GALNT13: variants seen among roughly 807,000 people sequenced by gnomAD.
GALNT13 encodes UDP-GalNAc:polypeptide N-acetylgalactosaminyltransferase 13.
In GALNT13, 28 loss-of-function variants were observed where a neutral mutation model predicts 64.2. The observed-to-expected ratio is 0.44, with a 90% confidence interval of 0.32 to 0.60. The LOEUF (loss-of-function observed/expected upper bound fraction) is 0.60, where lower values mean the gene tolerates loss of function less well. Ranked by LOEUF, GALNT13 falls within the 20% of genes least tolerant of loss-of-function variation. The probability of loss-of-function intolerance (pLI) is 0.05; values close to 1 mark genes in which losing one functional copy is unlikely to be tolerated. For missense variants in GALNT13, 577 were observed against 669.8 expected (o/e 0.86, Z 1.53); for synonymous variants, 214 against 224.6 (o/e 0.95, Z 0.42).
At chr2:153,202,821 T>C in the GALNT13 span, among the ~76,000 whole-genome samples, 384 of 152,374 alleles carry the variant, frequency 2.5e-3, 2 homozygotes, top group African/African-American at 8.7e-3. Context: ...TTGAATTTTC[T>C]ACCAGTTAAT....
intron 3 of GALNT13, among the ~76,000 whole-genome samples, chr2:154,037,218 G>T (rs1698710634): frequency 6.6e-6 from 1 of 152,050 alleles, no homozygotes; most frequent in African/African-American, 2.4e-5. Context: ...TTAAGAGTCA[G>T]AAAACATGAG....
At chr2:154,427,753 A>T (rs1574286917) in intron 11 of GALNT13, among the ~76,000 whole-genome samples, 1 of 152,018 alleles carries the variant, frequency 6.6e-6, no homozygotes, top group Non-Finnish European at 1.5e-5. Context: ...GATGCTACTT[A>T]CTCCTCCTGA....
chr2:154,083,944 C>A (rs536779702), intron 3 of GALNT13, among the ~76,000 whole-genome samples: 1 of 151,702 alleles, frequency 6.6e-6, no homozygotes, highest in Non-Finnish European at 1.5e-5. Context: ...ATGATTCAAA[C>A]GTGATGTTTT....
At chr2:153,194,937 G>A in the GALNT13 span, among the ~76,000 whole-genome samples, 1 of 152,214 alleles carries the variant, frequency 6.6e-6, no homozygotes, top group Non-Finnish European at 1.5e-5. Flanking sequence ...AGACTGCCGA[G>A]GCTAGTTCTT....
At chr2:153,808,487 C>T in the GALNT13 span, among the ~76,000 whole-genome samples, 2 of 152,224 alleles carry the variant, frequency 1.3e-5, no homozygotes, top group Admixed American at 6.5e-5. Context: ...CATCTAATCT[C>T]CAGGGTTCTC....
chr2:154,240,113 C>T (rs1055864466), intron 4 of GALNT13, among the ~76,000 whole-genome samples: 8 of 152,106 alleles, frequency 5.3e-5, no homozygotes, highest in African/African-American at 1.9e-4. Flanking sequence ...AACCTTTTGA[C>T]ATTTTTTAAT....
At chr2:154,246,408 T>C (rs1485470489) in intron 7 of GALNT13, among the ~76,000 whole-genome samples, 1 of 152,100 alleles carries the variant, frequency 6.6e-6, no homozygotes, top group Non-Finnish European at 1.5e-5. Context: ...GTTATCTTCC[T>C]TATAGATTCT....
intron 2 of GALNT13, among the ~76,000 whole-genome samples, chr2:153,941,814 T>TA (rs1691359672): frequency 6.6e-6 from 1 of 152,110 alleles, no homozygotes; most frequent in South Asian, 2.1e-4. Flanking sequence ...AATTAAAAAA[T>TA]ACAAGCAGAG....
the GALNT13 span, among the ~76,000 whole-genome samples, chr2:153,403,520 C>T: frequency 6.6e-6 from 1 of 152,204 alleles, no homozygotes; most frequent in African/African-American, 2.4e-5. Flanking sequence ...GGCGCCCCTC[C>T]CCCAGCCTCC....
chr2:153,216,996 G>A, the GALNT13 span, among the ~76,000 whole-genome samples: 1 of 151,900 alleles, frequency 6.6e-6, no homozygotes, highest in South Asian at 2.1e-4. Flanking sequence ...AGTAGAGGTT[G>A]CATATTTTTT....
chr2:153,738,611 G>C, the GALNT13 span, among the ~76,000 whole-genome samples: 1 of 151,698 alleles, frequency 6.6e-6, no homozygotes, highest in Non-Finnish European at 1.5e-5. Context: ...ATTGTAGTAT[G>C]TATATGTTAT....
chr2:154,266,753 C>A (rs955973525), intron 8 of GALNT13, among the ~76,000 whole-genome samples: 1 of 151,296 alleles, frequency 6.6e-6, no homozygotes, highest in African/African-American at 2.4e-5. Flanking sequence ...AATATAGATT[C>A]AATGCAATAG....
chr2:153,614,637 A>G, the GALNT13 span, among the ~76,000 whole-genome samples: 1 of 152,128 alleles, frequency 6.6e-6, no homozygotes, highest in Non-Finnish European at 1.5e-5. Context: ...TAGTTTTTGT[A>G]TTAATGATAT....
chr2:154,224,925 G>C (rs930920724), intron 4 of GALNT13, among the ~76,000 whole-genome samples: 3 of 152,024 alleles, frequency 2.0e-5, no homozygotes, highest in Non-Finnish European at 4.4e-5. Context: ...TAAATGAAAA[G>C]ACAAACGTCA....
intron 3 of GALNT13, among the ~76,000 whole-genome samples, chr2:154,027,368 T>A (rs547893635): frequency 2.6e-5 from 4 of 152,296 alleles, no homozygotes; most frequent in African/African-American, 9.6e-5. Context: ...TGCTTTTCCA[T>A]ATTCAGTAGA....
At chr2:154,374,772 T>C (rs1391526767) in intron 9 of GALNT13, among the ~76,000 whole-genome samples, 3 of 152,206 alleles carry the variant, frequency 2.0e-5, no homozygotes, top group Middle Eastern at 3.2e-3. Context: ...ACCCAGCTTA[T>C]ACTGTACTTT....
chr2:154,247,819 A>G (rs1470489868), intron 7 of GALNT13, among the ~76,000 whole-genome samples: 1 of 152,070 alleles, frequency 6.6e-6, no homozygotes, highest in Non-Finnish European at 1.5e-5. Context: ...AGCTGAAGTG[A>G]GAGAAACAGA....
At chr2:153,348,286 C>T in the GALNT13 span, among the ~76,000 whole-genome samples, 1 of 152,138 alleles carries the variant, frequency 6.6e-6, no homozygotes, top group Non-Finnish European at 1.5e-5. Context: ...AAGAACAGAC[C>T]TTTCAGCAGC....
the GALNT13 span, among the ~76,000 whole-genome samples, chr2:153,563,748 G>A: frequency 2.6e-5 from 4 of 151,248 alleles, no homozygotes; most frequent in African/African-American, 9.7e-5. Flanking sequence ...TTTATTCATA[G>A]AAGTTTTCCT....
Sources: gnomAD v4.1 joint callset for allele counts (sites outside exome capture counted in the v4.1 genomes callset) on GRCh38, gnomAD v4.1.1 for gene constraint, MANE v1.5 for transcripts, NCBI Gene and HGNC (gene_info 2026-07-23, HGNC 2026-07-21) for gene names.